SPOCK3: variants seen among roughly 807,000 people sequenced by gnomAD.
SPOCK3 encodes the protein SPARC (osteonectin), cwcv and kazal like domains proteoglycan 3.
In SPOCK3, 30 loss-of-function variants were observed where a neutral mutation model predicts 56.6. The ratio of observed to expected loss-of-function variants is 0.53; its 90% CI spans 0.40 to 0.72. SPOCK3 has a LOEUF of 0.72. SPOCK3 is among the 30% of genes least tolerant of loss of function. The pLI, the probability that SPOCK3 is intolerant of heterozygous loss-of-function variation, is 0.00. For missense variants in SPOCK3, 527 were observed against 530.0 expected, an observed-to-expected ratio of 0.99 and a Z score of 0.06; for synonymous variants, 196 against 183.3, an observed-to-expected ratio of 1.07 and a Z score of -0.56.
At chr4:166,896,645 G>C (rs111355171) in intron 5 of SPOCK3, among the ~76,000 whole-genome samples, 1,717 of 152,294 alleles carry the variant, frequency 0.011, 19 homozygotes, top group Non-Finnish European at 0.018. Context: ...CTGCACATGA[G>C]ACTGCCTTCC....
At chr4:166,863,087 A>C (rs2126916891) in intron 6 of SPOCK3, among the ~76,000 whole-genome samples, 1 of 152,228 alleles carries the variant, frequency 6.6e-6, no homozygotes, top group Non-Finnish European at 1.5e-5. Context: ...ACAAGCCAAA[A>C]GAGAGTGGGG....
At chr4:167,114,743 C>G (rs963860833) in intron 2 of SPOCK3, among the ~76,000 whole-genome samples, 12 of 152,124 alleles carry the variant, frequency 7.9e-5, no homozygotes, top group South Asian at 4.2e-4. Flanking sequence ...CAGACCAGGT[C>G]TTTTGGGTAC....
At chr4:166,917,630 T>C (rs1738009754) in intron 4 of SPOCK3, among the ~76,000 whole-genome samples, 1 of 152,146 alleles carries the variant, frequency 6.6e-6, no homozygotes, top group Non-Finnish European at 1.5e-5. Context: ...TGTCACTCAC[T>C]TGTGATAGTG....
intron 5 of SPOCK3, among the ~76,000 whole-genome samples, chr4:166,904,119 T>C (rs1157727686): frequency 6.6e-6 from 1 of 151,782 alleles, no homozygotes; most frequent in Non-Finnish European, 1.5e-5. Context: ...TTATATAATC[T>C]ATATTTTTAT....
Position 167,189,349 on chromosome 4 carries a change from T to C in SPOCK3, c.189+44636A>G, listed in dbSNP as rs541510606. Among the ~76,000 whole-genome samples the C allele has an allele frequency of 8.2e-5, 12 of 145,968 alleles. 2 individuals carry two copies. In the East Asian group the frequency reaches 2.5e-3, roughly 30 times the overall value. ...TATTTAGAAATAGTTTGTCAGCTCA[T>C]TACAAATGCAATTAATAATATACTT... On this transcript the variant is annotated intron_variant, in intron 2 of 10. Coordinates refer to ENST00000357545, the MANE Select transcript of SPOCK3 (RefSeq NM_001040159.2).
intron 3 of SPOCK3, among the ~76,000 whole-genome samples, chr4:167,023,880 C>T (rs573169656): frequency 3.9e-5 from 6 of 152,044 alleles, no homozygotes; most frequent in African/African-American, 1.2e-4. Context: ...TCCTGCTCTA[C>T]GCTGTAAGTC....
chr4:167,100,397 CTG>C (rs1759531428), intron 2 of SPOCK3, among the ~76,000 whole-genome samples: 1 of 150,162 alleles, frequency 6.7e-6, no homozygotes, highest in Non-Finnish European at 1.5e-5. Context: ...CTTTCTGTGT[CTG>C]TCTCTGTCTC....
intron 2 of SPOCK3, among the ~76,000 whole-genome samples, chr4:167,207,215 A>G (rs1734433287): frequency 6.6e-6 from 1 of 152,088 alleles, no homozygotes; most frequent in South Asian, 2.1e-4. Flanking sequence ...GTGTTGATTT[A>G]CTGTTTATAT....
chr4:166,946,809 C>T (rs1223497642), intron 4 of SPOCK3, among the ~76,000 whole-genome samples: 2 of 152,280 alleles, frequency 1.3e-5, no homozygotes, highest in Admixed American at 6.5e-5. Context: ...TGTCTAGTTC[C>T]GTTTTCTCAC....
chr4:166,977,671 A>G (rs1195927129), intron 4 of SPOCK3, among the ~76,000 whole-genome samples: 1 of 152,148 alleles, frequency 6.6e-6, no homozygotes, highest in Non-Finnish European at 1.5e-5. Context: ...TGAGTATCAG[A>G]TAAGTCAGAA....
intron 4 of SPOCK3, among the ~76,000 whole-genome samples, chr4:166,962,184 T>C (rs1389291930): frequency 3.3e-5 from 5 of 152,124 alleles, no homozygotes. Context: ...TATCATAAGG[T>C]CAGCTGATTA....
chr4:167,134,030 T>G (rs996752483), intron 2 of SPOCK3, among the ~76,000 whole-genome samples: 6 of 140,072 alleles, frequency 4.3e-5, no homozygotes, highest in Non-Finnish European at 7.8e-5. Flanking sequence ...TTCTTTTTTT[T>G]TTTTTTTTTT....
At chr4:167,228,979 G>C (rs889812340) in intron 2 of SPOCK3, among the ~76,000 whole-genome samples, 34 of 151,894 alleles carry the variant, frequency 2.2e-4, no homozygotes, top group African/African-American at 8.0e-4. Flanking sequence ...AAAAGCAAAA[G>C]AAAGAGAGAA....
intron 10 of SPOCK3, 65 bp downstream of exon 10, chr4:166,737,402 A>G: frequency 2.0e-6 from 3 of 1,505,792 alleles, no homozygotes; most frequent in Non-Finnish European, 2.7e-6. Flanking sequence ...GAACAAATGA[A>G]TGAGGCTCTA....
In SPOCK3 at chr4:166,740,456, C is replaced by A. The variant is rs1409043615; in HGVS notation, c.994+1541G>T. ...CAATGGCTTTCTTTATGGTACATGG[C>A]TAAACTTTGATTTGCCAAGACAAAT... On this transcript the variant is annotated intron_variant, in intron 9 of 10. Coordinates refer to ENST00000357545, the MANE Select transcript of SPOCK3 (RefSeq NM_001040159.2). 2.0e-5 allele frequency among the ~76,000 whole-genome samples: 3 copies of A among 150,382 alleles called. No homozygotes were observed. The Admixed American group carries it at 2.0e-4, about 10-fold the overall frequency.
At chr4:167,086,730 TTATATAAA>T (rs1454613242) in intron 2 of SPOCK3, among the ~76,000 whole-genome samples, 1 of 152,126 alleles carries the variant, frequency 6.6e-6, no homozygotes, top group African/African-American at 2.4e-5. Context: ...TTCTGCTATA[TTATATAAA>T]TATCTACTTT....
At chr4:166,865,142 A>G (rs754058010) in intron 6 of SPOCK3, among the ~76,000 whole-genome samples, 8 of 152,156 alleles carry the variant, frequency 5.3e-5, no homozygotes, top group Non-Finnish European at 8.8e-5. Flanking sequence ...CAAATCAATA[A>G]AAGTAATCTA....
intron 4 of SPOCK3, among the ~76,000 whole-genome samples, chr4:166,961,799 C>T (rs556098471): frequency 1.4e-3 from 211 of 152,054 alleles, no homozygotes; most frequent in South Asian, 6.0e-3. Context: ...ACTAATAAGC[C>T]CTGGAGGAAG....
intron 6 of SPOCK3, among the ~76,000 whole-genome samples, chr4:166,812,689 A>G (rs1441415459): frequency 1.3e-5 from 2 of 151,994 alleles, no homozygotes; most frequent in East Asian, 1.9e-4. Flanking sequence ...ACAGTATGAT[A>G]TTGGAATGAA....
Sources: allele counts gnomAD v4.1 joint callset (sites outside exome capture counted in the v4.1 genomes callset), GRCh38; gene constraint gnomAD v4.1.1; transcripts MANE v1.5; gene names NCBI Gene and HGNC (gene_info 2026-07-23, HGNC 2026-07-21).